Variants in NEGR1 observed in about 807,000 individuals in gnomAD.
The protein encoded by NEGR1 is IgLON family member 4.
NEGR1 carries 10 observed loss-of-function variants against 40.9 expected under a neutral mutation model. That is an observed-to-expected ratio of 0.24 (90% confidence interval 0.15 to 0.42). The LOEUF (loss-of-function observed/expected upper bound fraction) is 0.42, where lower values mean the gene tolerates loss of function less well. Ranked by LOEUF, NEGR1 falls within the 10% of genes least tolerant of loss-of-function variation. The pLI is 1.00. For synonymous variants in NEGR1, 185 were observed against 166.8 expected, an observed-to-expected ratio of 1.11 and a Z score of -0.84; for missense variants, 352 against 438.9, an observed-to-expected ratio of 0.80 and a Z score of 1.77.
At chr1:71,711,861 T>A in intron 3 of NEGR1, among the ~76,000 whole-genome samples, 1 of 152,292 alleles carries the variant, frequency 6.6e-6, no homozygotes, top group East Asian at 1.9e-4. Context: ...GTTTTCAAAA[T>A]CTATAAATAC....
chr1:72,232,199 C>CA (rs925792659), intron 1 of NEGR1, among the ~76,000 whole-genome samples: 2 of 151,392 alleles, frequency 1.3e-5, no homozygotes, highest in African/African-American at 2.4e-5. Context: ...ACCAAAAATA[C>CA]AAAAAAAATT....
At chr1:72,237,540 T>A (rs1654596320) in intron 1 of NEGR1, among the ~76,000 whole-genome samples, 1 of 151,908 alleles carries the variant, frequency 6.6e-6, no homozygotes, top group Admixed American at 6.6e-5. Context: ...GATTTCAACA[T>A]AAGAATTTTG....
intron 3 of NEGR1, among the ~76,000 whole-genome samples, chr1:71,732,654 TC>T (rs1370765569): frequency 2.0e-5 from 3 of 152,156 alleles, no homozygotes; most frequent in Non-Finnish European, 2.9e-5. Flanking sequence ...AAGTTTTTTT[TC>T]CTGACACTTT....
At chr1:72,097,866 A>G (rs572873994) in intron 1 of NEGR1, among the ~76,000 whole-genome samples, 11 of 152,334 alleles carry the variant, frequency 7.2e-5, no homozygotes, top group African/African-American at 2.6e-4. Context: ...GGATCATTAA[A>G]ATGTTTGAAA....
chr1:71,900,979 A>G (rs1661128743), intron 2 of NEGR1, among the ~76,000 whole-genome samples: 1 of 152,192 alleles, frequency 6.6e-6, no homozygotes, highest in Non-Finnish European at 1.5e-5. Context: ...CTGTTTCAAA[A>G]TATTTCCTGT....
chr1:72,209,739 G>C (rs1209376643), intron 1 of NEGR1, among the ~76,000 whole-genome samples: 1 of 151,684 alleles, frequency 6.6e-6, no homozygotes, highest in East Asian at 1.9e-4. Context: ...AGACTCTGGA[G>C]ATACACGCAT....
chr1:71,493,067 T>C (rs190542739), intron 6 of NEGR1, among the ~76,000 whole-genome samples: 140 of 152,264 alleles, frequency 9.2e-4, no homozygotes, highest in African/African-American at 3.0e-3. Context: ...CATCTAGCCA[T>C]ATACTAAGTT....
chr1:72,247,896 T>C (rs1391989637), intron 1 of NEGR1, among the ~76,000 whole-genome samples: 2 of 152,108 alleles, frequency 1.3e-5, no homozygotes, highest in Non-Finnish European at 2.9e-5. Flanking sequence ...TTAAGAAGCA[T>C]GGTGCCAACA....
At chr1:71,750,340 C>G (rs1166952220) in intron 3 of NEGR1, among the ~76,000 whole-genome samples, 1 of 152,158 alleles carries the variant, frequency 6.6e-6, no homozygotes, top group Non-Finnish European at 1.5e-5. Flanking sequence ...ATTCTCTTTG[C>G]CCTATATGAG....
intron 1 of NEGR1, among the ~76,000 whole-genome samples, chr1:72,085,233 G>A (rs1276758549): frequency 6.6e-6 from 1 of 152,182 alleles, no homozygotes; most frequent in Non-Finnish European, 1.5e-5. Context: ...TACATATGCA[G>A]ATATATAGAT....
At chr1:71,964,251 C>T (rs899987014) in intron 1 of NEGR1, among the ~76,000 whole-genome samples, 9 of 152,104 alleles carry the variant, frequency 5.9e-5, no homozygotes, top group African/African-American at 2.2e-4. Context: ...TTTAAAAACC[C>T]TTCTCCAATC....
intron 5 of NEGR1, among the ~76,000 whole-genome samples, chr1:71,594,392 T>C (rs1649619244): frequency 6.6e-6 from 1 of 152,202 alleles, no homozygotes; most frequent in Admixed American, 6.5e-5. Flanking sequence ...CTTTGCATTA[T>C]ACTGTGTGGC....
chr1:72,177,601 C>T (rs747063962), intron 1 of NEGR1, among the ~76,000 whole-genome samples: 4 of 151,914 alleles, frequency 2.6e-5, no homozygotes, highest in Non-Finnish European at 5.9e-5. Context: ...TTCATACTGC[C>T]TATTTTTTAA....
intron 1 of NEGR1, among the ~76,000 whole-genome samples, chr1:72,254,467 C>G (rs1367863246): frequency 9.2e-5 from 14 of 152,040 alleles, no homozygotes; most frequent in Admixed American, 9.2e-4. Flanking sequence ...CTTTAGGAGG[C>G]CGAGGCGGGC....
intron 2 of NEGR1, among the ~76,000 whole-genome samples, chr1:71,917,041 C>T (rs1244628849): frequency 6.6e-6 from 1 of 152,164 alleles, no homozygotes; most frequent in African/African-American, 2.4e-5. Flanking sequence ...TATATGCCCT[C>T]TATAGCTCCA....
At chr1:71,988,639 A>T (rs1347652376) in intron 1 of NEGR1, among the ~76,000 whole-genome samples, 2 of 151,632 alleles carry the variant, frequency 1.3e-5, no homozygotes, top group Non-Finnish European at 2.9e-5. Context: ...ATAAAAAAGG[A>T]AGGAGGGAAA....
chr1:71,532,764 A>G (rs757586981), intron 6 of NEGR1, among the ~76,000 whole-genome samples: 1 of 151,598 alleles, frequency 6.6e-6, no homozygotes, highest in Non-Finnish European at 1.5e-5. Context: ...TACCGCAAGC[A>G]TGCGGCCCAT....
intron 2 of NEGR1, among the ~76,000 whole-genome samples, chr1:71,852,707 C>T (rs1478108156): frequency 6.7e-6 from 1 of 148,460 alleles, no homozygotes; most frequent in Non-Finnish European, 1.5e-5. Context: ...TAGAAAAAGA[C>T]AAGACTGGAG....
At chr1:71,848,140 A>G (rs1570427669) in intron 2 of NEGR1, among the ~76,000 whole-genome samples, 1 of 152,176 alleles carries the variant, frequency 6.6e-6, no homozygotes, top group East Asian at 1.9e-4. Context: ...TACAGAGAAA[A>G]AAGTTGGAAG....
Sources: allele counts gnomAD v4.1 joint callset (sites outside exome capture counted in the v4.1 genomes callset), GRCh38; gene constraint gnomAD v4.1.1; transcripts MANE v1.5; gene names NCBI Gene and HGNC (gene_info 2026-07-23, HGNC 2026-07-21).